The following CSNK1D variants were observed in gnomAD, a reference collection of about 807,000 sequenced individuals.
CSNK1D encodes the protein casein kinase 1 delta.
Under a neutral mutation model 46.6 loss-of-function variants are expected in CSNK1D, and 16 were observed. The observed-to-expected ratio is 0.34, with a 90% confidence interval of 0.23 to 0.52. The LOEUF (loss-of-function observed/expected upper bound fraction) is 0.52, where lower values mean the gene tolerates loss of function less well. Among genes scored for constraint, CSNK1D ranks in the 20% least tolerant of loss-of-function variants. The pLI is 0.95. For missense variants in CSNK1D, 398 were observed against 578.4 expected (o/e 0.69, Z 3.20); for synonymous variants, 276 against 228.2 (o/e 1.21, Z -1.89).
Position 82,242,711 on chromosome 17 carries a change from AG to A in CSNK1D, c.*2069del. On this transcript the variant is annotated 3_prime_UTR_variant, in exon 9 of 9. Coordinates refer to ENST00000314028, the MANE Select transcript of CSNK1D (RefSeq NM_001893.6). ...AATTTATTATTTACACGATTGTTAA[AG>A]TACACAAATACAGTGGCGATACAAA... is the stretch of plus-strand genomic sequence containing the variant. 1.0e-6 allele frequency: 1 copy of A among 985,486 alleles called. No homozygotes were observed. The highest frequency in any genetic ancestry group is 1.2e-6 in the Non-Finnish European group (1 of 829,924). The allele number at this position is 985,486 out of a possible 1,614,324, so 61.0% of individuals were successfully genotyped here.
chr17:82,270,942 A>G (rs1244800160), intron 1 of CSNK1D, among the ~76,000 whole-genome samples: 2 of 152,168 alleles, frequency 1.3e-5, no homozygotes, highest in African/African-American at 2.4e-5. Context: ...CTGAGTGAGG[A>G]GACAGCCTTC....
At chr17:82,245,689 G>A (rs2050832793) in intron 8 of CSNK1D, 1 of 448,334 alleles carries the variant, frequency 2.2e-6, no homozygotes, top group Non-Finnish European at 4.2e-6. Context: ...CAGGACAGGA[G>A]GAGAGCAACG....
chr17:82,244,881 G>T (rs772212591), intron 8 of CSNK1D, 50 bp from the exon 9 acceptor site: 3 of 1,611,928 alleles, frequency 1.9e-6, no homozygotes, highest in Non-Finnish European at 1.7e-6. Flanking sequence ...TGGGGGAGCC[G>T]GCCAGGCAGA....
chr17:82,242,974 G>C lies in CSNK1D; in HGVS notation c.*1807C>G, dbSNP rs886851314. 6 of 985,362 alleles carry C rather than the reference G, an allele frequency of 6.1e-6. No homozygotes were observed. Among genetic ancestry groups the C allele is most frequent in the African/African-American group, 1.7e-5 (1 of 57,250 alleles). 61.0% of individuals were successfully genotyped at this position (985,362 alleles called of 1,614,324 possible). On this transcript the variant is annotated 3_prime_UTR_variant, in exon 9 of 9. Coordinates refer to ENST00000314028, the MANE Select transcript of CSNK1D (RefSeq NM_001893.6). The stretch of plus-strand genomic sequence containing the variant: ...CAAGCTTGCGCCACTTCAGGCCACA[G>C]CGCGACGTCTCTCCGGGTGGGGGAC...
chr17:82,264,287 C>CTG (rs1342840388), intron 2 of CSNK1D, among the ~76,000 whole-genome samples: 5 of 152,248 alleles, frequency 3.3e-5, no homozygotes, highest in Non-Finnish European at 5.9e-5. Context: ...CACAGCCACT[C>CTG]TTCAGACAAA....
At position 82,253,663 on chromosome 17, in the gene CSNK1D, C is replaced by T. The variant is rs1006241968; in HGVS notation, c.337-419G>A. ...TGAATGGAAACGTGCTATGCTGGTA[C>T]CGAGAAGGTGGCCTCCAAGCCAGTG... On this transcript the variant is annotated intron_variant, in intron 3 of 8. Coordinates refer to ENST00000314028, the MANE Select transcript of CSNK1D (RefSeq NM_001893.6). 1.3e-4 allele frequency: 47 copies of T among 350,116 alleles called. 1 individual carries two copies. The highest frequency in any genetic ancestry group is 3.8e-4 in the South Asian group (17 of 44,890). 21.7% of individuals were successfully genotyped at this position (350,116 alleles called of 1,614,324 possible).
At chr17:82,264,854 G>A (rs2051428114) in intron 2 of CSNK1D, among the ~76,000 whole-genome samples, 1 of 149,124 alleles carries the variant, frequency 6.7e-6, no homozygotes. Flanking sequence ...CTGGACTGCA[G>A]TGGCGCTATC....
Position 82,249,741 on chromosome 17 carries a change from C to A in CSNK1D, c.886-139G>T. On this transcript the variant is annotated intron_variant, in intron 6 of 8. Coordinates refer to ENST00000314028, the MANE Select transcript of CSNK1D (RefSeq NM_001893.6). This position sits in a 1 kb window ranked among gnomAD's most constrained non-coding sequence, Gnocchi z 6.7. ...GACTGCCTGCAAAGCCCCCCACAGGCTGCACGTTTCTCCTCATGGGATGAC... is the reference window on the plus strand; with the variant it reads ...GACTGCCTGCAAAGCCCCCCACAGGATGCACGTTTCTCCTCATGGGATGAC... 1 of 1,500,064 alleles carries A rather than the reference C, an allele frequency of 6.7e-7. No individual in the cohort carries two copies. The allele number at this position is 1,500,064 out of a possible 1,614,324, so 92.9% of individuals were successfully genotyped here.
Position 82,249,933 on chromosome 17 carries a change from G to A in CSNK1D, c.886-331C>T. On this transcript the variant is annotated intron_variant, in intron 6 of 8. Transcript: ENST00000314028. This position sits in a 1 kb window ranked among gnomAD's most constrained non-coding sequence, Gnocchi z 6.7. The stretch of plus-strand genomic sequence containing the variant: ...GTGAACATGCTCACTAACACGTGCA[G>A]AAAGAGGAGAGGGACAGGAACCATC... 7.8e-7 allele frequency: 1 copy of A among 1,289,510 alleles called. No homozygotes were observed. Among genetic ancestry groups the A allele is most frequent in the Non-Finnish European group, 9.9e-7 (1 of 1,006,396 alleles). 79.9% of individuals were successfully genotyped at this position (1,289,510 alleles called of 1,614,324 possible).
At chr17:82,268,381 A>T (rs1292859182) in intron 1 of CSNK1D, among the ~76,000 whole-genome samples, 1 of 152,276 alleles carries the variant, frequency 6.6e-6, no homozygotes, top group Admixed American at 6.5e-5. Flanking sequence ...TCAAGCTGCC[A>T]TCAGTGCACA....
chr17:82,247,822 T>C (rs2050889708), intron 8 of CSNK1D: 4 of 985,354 alleles, frequency 4.1e-6, no homozygotes, highest in African/African-American at 1.7e-5. Context: ...CCCTGCATCT[T>C]TGGTCTCTTT....
At position 82,251,252 on chromosome 17, in the gene CSNK1D, C is replaced by G. The variant is rs1373761616; in HGVS notation, c.885+127G>C. The stretch of plus-strand genomic sequence containing the variant: ...CAGTCCAGGTCCTGCCCACTACACA[C>G]TTGCCCTTCACAACCAGAGACACTC... On this transcript the variant is annotated intron_variant, in intron 6 of 8. Coordinates refer to ENST00000314028, the MANE Select transcript of CSNK1D (RefSeq NM_001893.6). This position sits in a 1 kb window ranked among gnomAD's most constrained non-coding sequence, Gnocchi z 4.5. 54 of 1,150,364 alleles carry G rather than the reference C, an allele frequency of 4.7e-5. No individual in the cohort carries two copies. The highest frequency in any genetic ancestry group is 6.5e-5 in the Non-Finnish European group (51 of 783,956). 71.3% of individuals were successfully genotyped at this position (1,150,364 alleles called of 1,614,324 possible).
chr17:82,241,304 C>T (rs988771762), downstream of CSNK1D, among the ~76,000 whole-genome samples: 9 of 152,192 alleles, frequency 5.9e-5, no homozygotes, highest in East Asian at 1.9e-4. Flanking sequence ...TTGGTGGCCC[C>T]GGACGCTGCC....
At position 82,242,704 on chromosome 17, in the gene CSNK1D, T is replaced by C; in HGVS notation, c.*2077A>G. ...CATTATGAATTTATTATTTACACGA[T>C]TGTTAAAGTACACAAATACAGTGGC... On this transcript the variant is annotated 3_prime_UTR_variant, in exon 9 of 9. Transcript: ENST00000314028. 4 of 985,388 alleles carry C rather than the reference T, an allele frequency of 4.1e-6. No homozygotes were observed. The highest frequency in any genetic ancestry group is 4.8e-6 in the Non-Finnish European group (4 of 829,870). 61.0% of individuals were successfully genotyped at this position (985,388 alleles called of 1,614,324 possible).
At position 82,242,978 on chromosome 17, in the gene CSNK1D, G is replaced by A. The variant is rs569107893; in HGVS notation, c.*1803C>T. ...CTTGCGCCACTTCAGGCCACAGCGCGACGTCTCTCCGGGTGGGGGACGTCT... is the reference window on the plus strand; with the variant it reads ...CTTGCGCCACTTCAGGCCACAGCGCAACGTCTCTCCGGGTGGGGGACGTCT... On this transcript the variant is annotated 3_prime_UTR_variant, in exon 9 of 9. Coordinates refer to ENST00000314028, the MANE Select transcript of CSNK1D (RefSeq NM_001893.6). 1,152 of 985,458 alleles carry A rather than the reference G, an allele frequency of 1.2e-3. 3 individuals carry two copies. The highest frequency in any genetic ancestry group is 1.4e-3 in the Non-Finnish European group (1,121 of 829,944). The allele number at this position is 985,458 out of a possible 1,614,324, so 61.0% of individuals were successfully genotyped here.
At position 82,248,123 on chromosome 17, in the gene CSNK1D, T is replaced by G; in HGVS notation, c.1197+752A>C. ...TGGGGGATCTGGGCACCCCCCAGGA[T>G]GCCTGCTGGTGAAACAGCCCTGCCC... is the stretch of plus-strand genomic sequence containing the variant. On this transcript the variant is annotated intron_variant, in intron 8 of 8. Coordinates refer to ENST00000314028, the MANE Select transcript of CSNK1D (RefSeq NM_001893.6). This position sits in a 1 kb window ranked among gnomAD's most constrained non-coding sequence, Gnocchi z 4.1. 1.0e-6 allele frequency: 1 copy of G among 985,532 alleles called. No homozygotes were observed. The highest frequency in any genetic ancestry group is 1.2e-6 in the Non-Finnish European group (1 of 829,994). 61.0% of individuals were successfully genotyped at this position (985,532 alleles called of 1,614,324 possible).
rs925799203 is a variant in CSNK1D, at chr17:82,243,993, C to G, written c.*788G>C. The G allele has an allele frequency of 3.0e-6, 3 of 986,536 alleles. No individual in the cohort carries two copies. The African/African-American group carries it at 5.2e-5, about 17-fold the overall frequency. The allele number at this position is 986,536 out of a possible 1,614,324, so 61.1% of individuals were successfully genotyped here. On this transcript the variant is annotated 3_prime_UTR_variant, in exon 9 of 9. Coordinates refer to ENST00000314028, the MANE Select transcript of CSNK1D (RefSeq NM_001893.6). ...GCGCGCAGTGCTTTGCCTGGTAACA[C>G]CCACTGCACCCCTGCCCCGCGGCAG... is the stretch of plus-strand genomic sequence containing the variant.
At chr17:82,253,332 C>T (rs933876657) in intron 3 of CSNK1D, 88 bp from the exon 4 acceptor site, 18 of 1,028,346 alleles carry the variant, frequency 1.8e-5, no homozygotes, top group Middle Eastern at 2.0e-4. Flanking sequence ...TCAGTGGCTG[C>T]ATTGTTCCTG....
rs1361208615 is a variant in CSNK1D at position 82,253,035 on chromosome 17, G to C, written c.546C>G (p.Ile182Met). 1 of 1,614,158 alleles carries C rather than the reference G, an allele frequency of 6.2e-7. No homozygotes were observed. The highest frequency in any genetic ancestry group is 8.5e-7 in the Non-Finnish European group (1 of 1,180,000). ...GCTCACCAATTCCAAGGTGCGTGTT[G>C]ATGGAGGCGTACCGCGCCGTCCCCG... ...NLTGTARYAS[I>M]NTHLGIEQSR... is the part of the protein sequence containing the mutation. Residue 182 changes from isoleucine (I) to methionine (M), a missense_variant, in exon 4 of 9, where the codon ATC (isoleucine) becomes ATG (methionine). Ile to Met is a conservative substitution (Grantham distance 10). Around this residue, in one of 2 missense-constraint regions of CSNK1D, gnomAD observed 217 missense variants for 370.3 expected, o/e 0.59. Transcript: ENST00000314028.
Sources: allele counts gnomAD v4.1 joint callset (sites outside exome capture counted in the v4.1 genomes callset), GRCh38; gene constraint gnomAD v4.1.1; regional missense constraint gnomAD v4.1.1; non-coding constraint Gnocchi (gnomAD v3.1); transcripts MANE v1.5; gene names NCBI Gene and HGNC (gene_info 2026-07-23, HGNC 2026-07-21).